Variants in ARB2A observed in about 807,000 individuals in gnomAD.
The protein encoded by ARB2A is ARB2 cotranscriptional regulator A, also known as cotranscriptional regulator ARB2A.
chr5:93,820,948 C>A, the ARB2A span, among the ~76,000 whole-genome samples: 2 of 151,650 alleles, frequency 1.3e-5, no homozygotes, highest in African/African-American at 4.9e-5. Flanking sequence ...AAAATGTATA[C>A]TGTTTTTTAA....
At chr5:93,654,997 T>C in the ARB2A span, among the ~76,000 whole-genome samples, 1 of 152,214 alleles carries the variant, frequency 6.6e-6, no homozygotes, top group Non-Finnish European at 1.5e-5. Flanking sequence ...CTTGTAAACA[T>C]AATCTCTGGG....
chr5:94,012,137 TCACGCCTGTAATCCCAA>T, the ARB2A span, among the ~76,000 whole-genome samples: 3 of 152,058 alleles, frequency 2.0e-5, no homozygotes, highest in Non-Finnish European at 2.9e-5. Context: ...GCGCAGTGGC[TCACGCCTGTAATCCCAA>T]CACTTTGGGA....
At chr5:93,952,889 G>C in the ARB2A span, among the ~76,000 whole-genome samples, 6 of 151,958 alleles carry the variant, frequency 3.9e-5, no homozygotes, top group Non-Finnish European at 8.8e-5. Context: ...AGCTTGTCTT[G>C]AAGCTCACCA....
At chr5:93,790,066 G>A in the ARB2A span, among the ~76,000 whole-genome samples, 2 of 152,138 alleles carry the variant, frequency 1.3e-5, no homozygotes, top group Non-Finnish European at 2.9e-5. Context: ...ATTCAAGGAC[G>A]GTGGAGTCAG....
the ARB2A span, chr5:94,074,747 G>C: frequency 6.2e-7 from 1 of 1,610,248 alleles, no homozygotes; most frequent in Non-Finnish European, 8.5e-7. Flanking sequence ...CAAGGAAATA[G>C]ACATCAATCT....
chr5:94,032,738 G>A, the ARB2A span, among the ~76,000 whole-genome samples: 1 of 152,172 alleles, frequency 6.6e-6, no homozygotes, highest in Non-Finnish European at 1.5e-5. Context: ...GTGTCCTGGA[G>A]GCAGCACATA....
the ARB2A span, among the ~76,000 whole-genome samples, chr5:93,806,105 C>A: frequency 6.6e-6 from 1 of 151,684 alleles, no homozygotes; most frequent in African/African-American, 2.4e-5. Flanking sequence ...AAAAAATGTA[C>A]AAACACTATA....
chr5:94,104,849 T>C, the ARB2A span, among the ~76,000 whole-genome samples: 1 of 152,126 alleles, frequency 6.6e-6, no homozygotes, highest in East Asian at 1.9e-4. Context: ...GGTCAACATA[T>C]GTAAATCAGT....
chr5:93,727,956 T>A, the ARB2A span, among the ~76,000 whole-genome samples: 1 of 152,136 alleles, frequency 6.6e-6, no homozygotes, highest in Non-Finnish European at 1.5e-5. Context: ...CAGTTTTATA[T>A]GGACTCATTT....
chr5:93,774,617 T>A, the ARB2A span, among the ~76,000 whole-genome samples: 1 of 152,214 alleles, frequency 6.6e-6, no homozygotes, highest in Non-Finnish European at 1.5e-5. Flanking sequence ...TCTAGTTTTG[T>A]GCCTTTTTTT....
At chr5:93,622,177 TAAAATTA>T in the ARB2A span, among the ~76,000 whole-genome samples, 1 of 152,214 alleles carries the variant, frequency 6.6e-6, no homozygotes, top group Non-Finnish European at 1.5e-5. Flanking sequence ...GAGCACTTTT[TAAAATTA>T]AAAATTAAAA....
the ARB2A span, among the ~76,000 whole-genome samples, chr5:94,033,092 A>G: frequency 1.3e-5 from 2 of 152,042 alleles, no homozygotes; most frequent in African/African-American, 4.8e-5. Context: ...CATGTAAGAC[A>G]TGCCTGCTTC....
chr5:93,852,202 C>G, the ARB2A span, among the ~76,000 whole-genome samples: 1 of 152,074 alleles, frequency 6.6e-6, no homozygotes, highest in African/African-American at 2.4e-5. Flanking sequence ...CTCTGATGGC[C>G]AGTGATGGTG....
the ARB2A span, among the ~76,000 whole-genome samples, chr5:93,788,531 C>A: frequency 1.3e-5 from 2 of 152,310 alleles, no homozygotes; most frequent in Admixed American, 1.3e-4. Context: ...TTCACAGATA[C>A]CTGGCCAAAT....
At chr5:93,741,345 C>G in the ARB2A span, 1 of 1,611,636 alleles carries the variant, frequency 6.2e-7, no homozygotes, top group Non-Finnish European at 8.5e-7. Flanking sequence ...CTATCCAGCC[C>G]CGGAATTCGT....
chr5:93,627,797 G>C, the ARB2A span, among the ~76,000 whole-genome samples: 1 of 152,208 alleles, frequency 6.6e-6, no homozygotes, highest in African/African-American at 2.4e-5. Flanking sequence ...CTTGGTCCAT[G>C]GGCTGCAGAA....
At chr5:93,974,818 C>A in the ARB2A span, among the ~76,000 whole-genome samples, 1 of 152,004 alleles carries the variant, frequency 6.6e-6, no homozygotes, top group African/African-American at 2.4e-5. Flanking sequence ...AAATCAACAC[C>A]ATGAAGAACT....
the ARB2A span, among the ~76,000 whole-genome samples, chr5:93,792,513 A>C: frequency 2.6e-5 from 4 of 152,266 alleles, no homozygotes; most frequent in South Asian, 6.2e-4. Flanking sequence ...AGGCAGGTTA[A>C]GATACATTCC....
At chr5:94,058,981 A>T in the ARB2A span, among the ~76,000 whole-genome samples, 1 of 152,056 alleles carries the variant, frequency 6.6e-6, no homozygotes, top group Non-Finnish European at 1.5e-5. Context: ...ACCATGTAAC[A>T]TACTGGTACC....
Sources: gnomAD v4.1 joint callset for allele counts (sites outside exome capture counted in the v4.1 genomes callset) on GRCh38, gnomAD v4.1.1 for gene constraint, MANE v1.5 for transcripts, NCBI Gene and HGNC (gene_info 2026-07-23, HGNC 2026-07-21) for gene names.